The following CD44 variants were observed in gnomAD, a reference collection of about 807,000 sequenced individuals.
CD44 encodes the protein CD44 molecule (IN blood group).
Under a neutral mutation model 88.8 loss-of-function variants are expected in CD44, and 49 were observed. That is an observed-to-expected ratio of 0.55 (90% CI 0.44 to 0.70). The LOEUF (loss-of-function observed/expected upper bound fraction) is 0.70. CD44 is among the 30% of genes least tolerant of loss of function. CD44 has a pLI of 0.00. For synonymous variants in CD44, 325 were observed against 312.3 expected, an observed-to-expected ratio of 1.04 and a Z score of -0.43; for missense variants, 883 against 913.8, an observed-to-expected ratio of 0.97 and a Z score of 0.43.
chr11:35,229,437 GA>G lies in CD44; in HGVS notation c.*106del. On this transcript the variant is annotated 3_prime_UTR_variant, in exon 18 of 18. Coordinates refer to ENST00000428726, the MANE Select transcript of CD44 (RefSeq NM_000610.4). ...AATGTGCTACTGATTGTTTCATTGCGAATCTTTTTTAGCATAAAATTTTCTA... is the reference window on the plus strand; with the variant it reads ...AATGTGCTACTGATTGTTTCATTGCGATCTTTTTTAGCATAAAATTTTCTA... The G allele has an allele frequency of 1.4e-6, 1 of 694,256 alleles. No homozygotes were observed. Among genetic ancestry groups the G allele is most frequent in the South Asian group, 2.2e-5 (1 of 45,000 alleles). 43.0% of individuals were successfully genotyped at this position (694,256 alleles called of 1,614,324 possible). A position where few individuals can be genotyped will look rare whatever the true frequency, so the allele number is the denominator to read the frequency against.
intron 4 of CD44, among the ~76,000 whole-genome samples, chr11:35,187,947 C>T (rs1257269718): frequency 6.6e-6 from 1 of 152,210 alleles, no homozygotes; most frequent in Non-Finnish European, 1.5e-5. Context: ...TCAAGCAATC[C>T]TCCTTCCTCA....
intron 8 of CD44, among the ~76,000 whole-genome samples, chr11:35,201,423 A>G (rs915014208): frequency 2.8e-4 from 43 of 152,168 alleles, no homozygotes; most frequent in African/African-American, 1.0e-3. Flanking sequence ...ATATGTTTGA[A>G]TGGTTTGTGG....
Position 35,216,360 on chromosome 11 carries a change from T to A in CD44, c.1873+1446T>A, listed in dbSNP as rs147762257. Among the ~76,000 whole-genome samples, 252 of 152,316 alleles carry A rather than the reference T, an allele frequency of 1.7e-3. 1 individual carries two copies. Among genetic ancestry groups the A allele is most frequent in the Middle Eastern group, 0.01 (3 of 294 alleles). On this transcript the variant is annotated intron_variant, in intron 15 of 17. Transcript: ENST00000428726. Reference sequence around the variant, plus strand: ...ATCCAGGTGACCCCATGTAAATGATTTAAGCCATATCAATTATTGTCTCCC... The same window carrying A: ...ATCCAGGTGACCCCATGTAAATGATATAAGCCATATCAATTATTGTCTCCC...
rs754170201 is a variant in CD44 at position 35,162,831 on chromosome 11, G to A, written c.68-13744G>A. Among the ~76,000 whole-genome samples, 5 of 152,162 alleles carry A rather than the reference G, an allele frequency of 3.3e-5. No homozygotes were observed. In the South Asian group the frequency reaches 8.3e-4, roughly 25 times the overall value. ...AATAGCAGTAGTGTTCTTGGACTGC[G>A]AAGGAGACCCTGCTTCTTATGTGCA... is the stretch of plus-strand genomic sequence containing the variant. On this transcript the variant is annotated intron_variant, in intron 1 of 17. Transcript: ENST00000428726.
At chr11:35,198,630 A>G (rs1230861743) in intron 7 of CD44, 1 of 164,058 alleles carries the variant, frequency 6.1e-6, no homozygotes, top group African/African-American at 2.4e-5. Context: ...GCTTTTCAGA[A>G]GCTCATGGTC....
intron 4 of CD44, among the ~76,000 whole-genome samples, chr11:35,187,838 T>G (rs1276458750): frequency 6.6e-6 from 1 of 152,224 alleles, no homozygotes; most frequent in Non-Finnish European, 1.5e-5. Flanking sequence ...TAAATCATCC[T>G]GATATATGAT....
At chr11:35,200,075 G>T (rs1462340810) in intron 7 of CD44, among the ~76,000 whole-genome samples, 3 of 151,530 alleles carry the variant, frequency 2.0e-5, no homozygotes, top group Non-Finnish European at 2.9e-5. Flanking sequence ...TTCTGGAGGG[G>T]TGTGATAACT....
At chr11:35,147,645 C>G (rs1859434531) in intron 1 of CD44, among the ~76,000 whole-genome samples, 1 of 151,406 alleles carries the variant, frequency 6.6e-6, no homozygotes, top group Non-Finnish European at 1.5e-5. Flanking sequence ...TAGTGCATCT[C>G]TTTACACTTA....
At chr11:35,221,293 G>GA (rs1285039682) in intron 16 of CD44, among the ~76,000 whole-genome samples, 2 of 151,894 alleles carry the variant, frequency 1.3e-5, no homozygotes, top group East Asian at 1.9e-4. Flanking sequence ...TCTTATACAG[G>GA]AAAAAAATGT....
chr11:35,143,940 G>A (rs1858533783), intron 1 of CD44, among the ~76,000 whole-genome samples: 1 of 152,210 alleles, frequency 6.6e-6, no homozygotes, highest in Non-Finnish European at 1.5e-5. Context: ...AGCATTACAG[G>A]AGCTCTCACT....
At chr11:35,223,865 C>T (rs779509054) in intron 17 of CD44, among the ~76,000 whole-genome samples, 5 of 152,150 alleles carry the variant, frequency 3.3e-5, no homozygotes, top group Non-Finnish European at 7.3e-5. Flanking sequence ...GATACAGAAT[C>T]CTATTTTCAT....
chr11:35,212,804 A>G (rs1380517113), intron 14 of CD44: 1 of 152,140 alleles, frequency 6.6e-6, no homozygotes, highest in Non-Finnish European at 1.5e-5. Flanking sequence ...TGGCAAAAGA[A>G]AGCCTGTTGT....
chr11:35,155,233 G>A (rs1941701400), intron 1 of CD44, among the ~76,000 whole-genome samples: 1 of 152,202 alleles, frequency 6.6e-6, no homozygotes, highest in African/African-American at 2.4e-5. Flanking sequence ...ACCCACTGGA[G>A]CTGGGATTTG....
chr11:35,159,141 T>C (rs59380647), intron 1 of CD44, among the ~76,000 whole-genome samples: 8,537 of 152,230 alleles, frequency 0.056, 454 homozygotes, highest in African/African-American at 0.14. Context: ...ACTTCCTCCC[T>C]AGAAGCGCAA....
intron 12 of CD44, 43 bp downstream of exon 12, chr11:35,208,249 T>C: frequency 7.8e-7 from 1 of 1,285,066 alleles, no homozygotes; most frequent in Non-Finnish European, 1.1e-6. Context: ...CTTGTATTCC[T>C]GCTTCATCTC....
chr11:35,167,909 G>A (rs1016026861), intron 1 of CD44, among the ~76,000 whole-genome samples: 49 of 152,228 alleles, frequency 3.2e-4, no homozygotes, highest in African/African-American at 9.9e-4. Flanking sequence ...TGGGGGCTAC[G>A]ACTAGGTTTG....
chr11:35,221,587 G>A, intron 16 of CD44, 67 bp from the exon 17 acceptor site: 17 of 1,339,672 alleles, frequency 1.3e-5, no homozygotes, highest in Non-Finnish European at 1.6e-5. Context: ...CAATTATAAA[G>A]TGCATTTTTG....
chr11:35,204,704 T>C, intron 10 of CD44, 64 bp downstream of exon 10: 1 of 1,441,620 alleles, frequency 6.9e-7, no homozygotes, highest in Non-Finnish European at 9.7e-7. Flanking sequence ...CGGTAGACAT[T>C]GAGGACATTG....
chr11:35,154,567 G>C (rs1941603260), intron 1 of CD44, among the ~76,000 whole-genome samples: 3 of 152,184 alleles, frequency 2.0e-5, no homozygotes, highest in Admixed American at 2.0e-4. Flanking sequence ...CAAATGCTTG[G>C]TTGTAAACAA....
Sources: allele counts gnomAD v4.1 joint callset (sites outside exome capture counted in the v4.1 genomes callset), GRCh38; gene constraint gnomAD v4.1.1; transcripts MANE v1.5; gene names NCBI Gene and HGNC (gene_info 2026-07-23, HGNC 2026-07-21).